Variants in PIK3CB observed in about 807,000 individuals in gnomAD.
PIK3CB encodes the protein phosphatidylinositol-4,5-bisphosphate 3-kinase catalytic subunit beta.
In PIK3CB, 39 loss-of-function variants were observed where a neutral mutation model predicts 136.8. That is an observed-to-expected ratio of 0.29 (90% CI 0.22 to 0.37). The LOEUF is 0.37. Ranked by LOEUF, PIK3CB falls within the 10% of genes least tolerant of loss-of-function variation. PIK3CB has a pLI of 1.00. For synonymous variants in PIK3CB, 428 were observed against 436.6 expected, an observed-to-expected ratio of 0.98 and a Z score of 0.25; for missense variants, 868 against 1,275.4, an observed-to-expected ratio of 0.68 and a Z score of 4.87.
chr3:138,707,207 T>C lies in PIK3CB; in HGVS notation c.1482A>G (p.Lys494=). The change falls in exon 11 of 24, where the codon AAA becomes AAG. Residue 494 remains lysine, a synonymous_variant. Coordinates refer to ENST00000674063, the MANE Select transcript of PIK3CB (RefSeq NM_006219.3). ...YTENATALHV[K]FPENKKQPYY... ...AAGGTTGTTTTTTATTCTCTGGAAA[T>C]TTAACATGCAAAGCTGTTGCATTTT... 6.2e-7 allele frequency: 1 copy of C among 1,613,116 alleles called. No individual in the cohort carries two copies. Among genetic ancestry groups the C allele is most frequent in the Admixed American group, 1.7e-5 (1 of 59,934 alleles).
intron 19 of PIK3CB, among the ~76,000 whole-genome samples, chr3:138,672,675 A>G (rs1279590862): frequency 6.6e-6 from 1 of 152,012 alleles, no homozygotes; most frequent in Non-Finnish European, 1.5e-5. Flanking sequence ...GACCTGGGAG[A>G]TGGAGCCAGG....
chr3:138,816,975 T>G (rs371098735), intron 1 of PIK3CB, among the ~76,000 whole-genome samples: 13 of 141,244 alleles, frequency 9.2e-5, no homozygotes, highest in African/African-American at 3.5e-4. Context: ...CCAAGGCAGG[T>G]GGATCGCTGG....
At chr3:138,803,899 T>C (rs1291526500) in intron 1 of PIK3CB, among the ~76,000 whole-genome samples, 1 of 152,200 alleles carries the variant, frequency 6.6e-6, no homozygotes, top group African/African-American at 2.4e-5. Context: ...TCCAAAGATG[T>C]GAATTTTGAC....
chr3:138,677,639 G>A (rs2043676167), intron 19 of PIK3CB, among the ~76,000 whole-genome samples: 1 of 152,204 alleles, frequency 6.6e-6, no homozygotes, highest in Non-Finnish European at 1.5e-5. Flanking sequence ...ACTCATGCCT[G>A]TAATCCCAAT....
chr3:138,684,882 C>T, intron 16 of PIK3CB, 79 bp from the exon 17 acceptor site: 1 of 957,772 alleles, frequency 1.0e-6, no homozygotes, highest in South Asian at 1.6e-5. Flanking sequence ...CAATCAATAA[C>T]ACCTGCTCCC....
chr3:138,717,206 A>T (rs891135939), intron 8 of PIK3CB, among the ~76,000 whole-genome samples: 1 of 150,278 alleles, frequency 6.7e-6, no homozygotes, highest in African/African-American at 2.4e-5. Flanking sequence ...GTGAGCCAAG[A>T]TTGTGCCACT....
At chr3:138,727,572 T>G (rs1305978909) in intron 8 of PIK3CB, among the ~76,000 whole-genome samples, 1 of 152,198 alleles carries the variant, frequency 6.6e-6, no homozygotes, top group East Asian at 1.9e-4. Flanking sequence ...GCCAACAACT[T>G]GAATCAGTTC....
chr3:138,680,179 G>A (rs928262857), intron 19 of PIK3CB, among the ~76,000 whole-genome samples: 8 of 151,918 alleles, frequency 5.3e-5, no homozygotes, highest in Non-Finnish European at 1.0e-4. Flanking sequence ...CAAACATGGC[G>A]AAATCCCATC....
chr3:138,670,912 G>C (rs987346863), intron 19 of PIK3CB, among the ~76,000 whole-genome samples: 5 of 151,920 alleles, frequency 3.3e-5, no homozygotes, highest in Non-Finnish European at 7.4e-5. Flanking sequence ...TACACTACTG[G>C]AAAGTGTAAC....
rs539792803 is a variant in PIK3CB, at chr3:138,660,316, C to G, written c.2797-2481G>C. ...TTCTATTTTAACTTTTTGTTTGTTCCTATTTCTAATTTTCAAGACCTCTAT... is the reference window on the plus strand; with the variant it reads ...TTCTATTTTAACTTTTTGTTTGTTCGTATTTCTAATTTTCAAGACCTCTAT... On this transcript the variant is annotated intron_variant, in intron 21 of 23. Transcript: ENST00000674063. Among the ~76,000 whole-genome samples the G allele has an allele frequency of 2.0e-5, 3 of 152,196 alleles. No homozygotes were observed. The East Asian group carries it at 5.8e-4, about 29-fold the overall frequency.
At chr3:138,699,165 T>C (rs1440078161) in intron 12 of PIK3CB, 70 bp from the exon 13 acceptor site, 6 of 429,048 alleles carry the variant, frequency 1.4e-5, no homozygotes, top group Non-Finnish European at 2.3e-5. Flanking sequence ...AGTAAATTTA[T>C]ATATATTTAT....
intron 13 of PIK3CB, among the ~76,000 whole-genome samples, chr3:138,697,421 GATTTATTTATTTATTT>G: frequency 6.6e-6 from 1 of 150,886 alleles, no homozygotes; most frequent in East Asian, 1.9e-4. Flanking sequence ...TGTCTCCAAA[GATTTATTTATTTATTT>G]ATTTATTTAT....
intron 1 of PIK3CB, among the ~76,000 whole-genome samples, chr3:138,814,097 G>A: frequency 6.6e-6 from 1 of 152,102 alleles, no homozygotes; most frequent in Non-Finnish European, 1.5e-5. Context: ...AAGAGGACAT[G>A]GAGGGACAGA....
At chr3:138,773,276 A>G (rs2045821136) in intron 2 of PIK3CB, among the ~76,000 whole-genome samples, 2 of 151,856 alleles carry the variant, frequency 1.3e-5, no homozygotes, top group Non-Finnish European at 2.9e-5. Context: ...TCAGGCGCCC[A>G]CCTACTTGGG....
chr3:138,802,309 G>A (rs561271948), intron 1 of PIK3CB, among the ~76,000 whole-genome samples: 1 of 151,726 alleles, frequency 6.6e-6, no homozygotes, highest in South Asian at 2.1e-4. Flanking sequence ...GAACCCAGGA[G>A]GTGGAGGTTG....
chr3:138,779,462 C>T (rs1024813789), intron 2 of PIK3CB, among the ~76,000 whole-genome samples: 1 of 142,528 alleles, frequency 7.0e-6, no homozygotes, highest in African/African-American at 2.6e-5. Context: ...ACGATCTTGG[C>T]TCACTGCAAC....
intron 19 of PIK3CB, among the ~76,000 whole-genome samples, chr3:138,679,088 AAAAG>A (rs1453587805): frequency 1.3e-5 from 2 of 152,102 alleles, no homozygotes; most frequent in African/African-American, 2.4e-5. Context: ...AACAAACAAA[AAAAG>A]AAAAAACAAA....
chr3:138,689,824 T>C (rs1343195919), intron 15 of PIK3CB, among the ~76,000 whole-genome samples: 1 of 152,236 alleles, frequency 6.6e-6, no homozygotes, highest in African/African-American at 2.4e-5. Context: ...CCAAGAAGTC[T>C]AAAATGTGTA....
intron 19 of PIK3CB, among the ~76,000 whole-genome samples, chr3:138,675,204 C>A (rs1021665614): frequency 7.2e-5 from 11 of 151,986 alleles, no homozygotes; most frequent in African/African-American, 2.4e-4. Context: ...CAGGTAGACA[C>A]AACAGCAGAT....
Sources: allele counts gnomAD v4.1 joint callset (sites outside exome capture counted in the v4.1 genomes callset), GRCh38; gene constraint gnomAD v4.1.1; transcripts MANE v1.5; gene names NCBI Gene and HGNC (gene_info 2026-07-23, HGNC 2026-07-21).